Variants in SYT2 observed in about 807,000 individuals in gnomAD.
SYT2 encodes the protein synaptotagmin 2.
In SYT2, 15 loss-of-function variants were observed where a neutral mutation model predicts 39.9. The observed-to-expected ratio is 0.38, with a 90% CI of 0.25 to 0.58. The LOEUF (loss-of-function observed/expected upper bound fraction) is 0.58, where lower values mean the gene tolerates loss of function less well. Ranked by LOEUF, SYT2 falls within the 20% of genes least tolerant of loss-of-function variation. The pLI, the probability that SYT2 is intolerant of heterozygous loss-of-function variation, is 0.70. For missense variants in SYT2, 389 were observed against 530.3 expected (o/e 0.73, Z 2.62); for synonymous variants, 181 against 204.5 (o/e 0.89, Z 0.98).
chr1:202,697,413 C>T (rs1654000412), intron 1 of SYT2, among the ~76,000 whole-genome samples: 1 of 152,262 alleles, frequency 6.6e-6, no homozygotes, highest in Admixed American at 6.5e-5. Flanking sequence ...GGGCAACCTG[C>T]CAAGAGCCAT....
intron 1 of SYT2, among the ~76,000 whole-genome samples, chr1:202,646,963 C>T (rs1267639275): frequency 6.6e-6 from 1 of 152,232 alleles, no homozygotes; most frequent in African/African-American, 2.4e-5. Context: ...GAGGCTTTGC[C>T]TCTCCAGGTC....
At chr1:202,631,646 T>A (rs373535616) in intron 1 of SYT2, among the ~76,000 whole-genome samples, 6 of 152,288 alleles carry the variant, frequency 3.9e-5, no homozygotes, top group East Asian at 3.9e-4. Context: ...AGAAGATGGA[T>A]GAACCCACTG....
At chr1:202,624,072 TG>T (rs1452688615) in intron 1 of SYT2, among the ~76,000 whole-genome samples, 1 of 152,132 alleles carries the variant, frequency 6.6e-6, no homozygotes, top group East Asian at 1.9e-4. Flanking sequence ...CTCTAAGGGA[TG>T]GGTTTAGAGG....
At chr1:202,602,860 C>T in intron 4 of SYT2, 139 bp downstream of exon 4, 2 of 1,102,936 alleles carry the variant, frequency 1.8e-6, no homozygotes, top group Non-Finnish European at 2.6e-6. Flanking sequence ...GCTATAGGCC[C>T]TGCAGTTTCC....
chr1:202,703,429 G>A, intron 1 of SYT2, among the ~76,000 whole-genome samples: 1 of 152,168 alleles, frequency 6.6e-6, no homozygotes, highest in South Asian at 2.1e-4. Context: ...GGGAGGGAGA[G>A]ATGAAGGTAC....
chr1:202,687,158 T>C (rs1653689327), intron 1 of SYT2, among the ~76,000 whole-genome samples: 1 of 152,144 alleles, frequency 6.6e-6, no homozygotes, highest in Admixed American at 6.5e-5. Flanking sequence ...ACCAAATGTT[T>C]GCTAAATGAA....
rs140289859 is a variant in SYT2, at chr1:202,669,574, C to T, written c.-18+40684G>A. On this transcript the variant is annotated intron_variant, in intron 1 of 8. Transcript: ENST00000367268. The stretch of plus-strand genomic sequence containing the variant: ...CACCATTGCACTCCAGCCCGGGTGA[C>T]GGTGCAAGACTGCATCTCAAAAAAA... 1.1e-3 allele frequency among the ~76,000 whole-genome samples: 172 copies of T among 151,210 alleles called. 1 individual carries two copies. Among genetic ancestry groups the T allele is most frequent in the East Asian group, 4.3e-3 (22 of 5,116 alleles).
intron 1 of SYT2, among the ~76,000 whole-genome samples, chr1:202,668,043 C>CCT: frequency 6.6e-6 from 1 of 152,260 alleles, no homozygotes; most frequent in South Asian, 2.1e-4. Flanking sequence ...CCTCTCAGCA[C>CCT]CATCAAAGCC....
intron 1 of SYT2, chr1:202,632,052 G>A (rs1382997652): frequency 1.0e-6 from 1 of 985,320 alleles, no homozygotes; most frequent in South Asian, 4.7e-5. Flanking sequence ...CTGCCACTCT[G>A]CAGGAAGGGG....
chr1:202,632,146 G>T, intron 1 of SYT2: 1 of 901,368 alleles, frequency 1.1e-6, no homozygotes, highest in Non-Finnish European at 1.3e-6. Flanking sequence ...AATCTGCAGT[G>T]TTGCCACCAC....
In SYT2 at chr1:202,625,746, G is replaced by A. The variant is rs542021217; in HGVS notation, c.-17-19957C>T. ...AACGCTCACACCCTGGAAAGGAGGA[G>A]GTGGGCAACCGGTGGGAGGCCGGAG... On this transcript the variant is annotated intron_variant, in intron 1 of 8. Coordinates refer to ENST00000367268, the MANE Select transcript of SYT2 (RefSeq NM_177402.5). Among the ~76,000 whole-genome samples the A allele has an allele frequency of 1.2e-4, 19 of 152,220 alleles. No individual in the cohort carries two copies. The South Asian group carries it at 3.9e-3, about 32-fold the overall frequency.
At chr1:202,694,559 T>TACAC (rs10563246) in intron 1 of SYT2, among the ~76,000 whole-genome samples, 118 of 150,442 alleles carry the variant, frequency 7.8e-4, no homozygotes, top group Middle Eastern at 3.4e-3. Flanking sequence ...AGGCTGAATT[T>TACAC]ACACACACAC....
intron 3 of SYT2, among the ~76,000 whole-genome samples, chr1:202,603,857 G>C (rs566734609): frequency 2.6e-5 from 4 of 152,256 alleles, no homozygotes; most frequent in African/African-American, 9.6e-5. Context: ...TGGATTCCTT[G>C]AGCAAGAGAT....
intron 3 of SYT2, chr1:202,604,227 T>C (rs1690620401): frequency 1.9e-6 from 1 of 519,418 alleles, no homozygotes; most frequent in South Asian, 3.0e-5. Context: ...TTGTTCTCCT[T>C]CACTGTCTTT....
rs1427883587 is a variant in SYT2 at position 202,710,411 on chromosome 1, C to T, written c.-171G>A. ...GCTCCACCGCTGCCCCAACTCGGCT[C>T]CGAAGTGCCTTTGCCGCAAGACTTG... On this transcript the variant is annotated 5_prime_UTR_variant, in exon 1 of 9. Coordinates refer to ENST00000367268, the MANE Select transcript of SYT2 (RefSeq NM_177402.5). The T allele has an allele frequency of 6.6e-6, 1 of 152,326 alleles. No individual in the cohort carries two copies. Among genetic ancestry groups the T allele is most frequent in the Non-Finnish European group, 1.5e-5 (1 of 68,100 alleles). 9.4% of individuals were successfully genotyped at this position (152,326 alleles called of 1,614,324 possible).
chr1:202,637,566 C>A (rs528096182), intron 1 of SYT2, among the ~76,000 whole-genome samples: 1 of 152,234 alleles, frequency 6.6e-6, no homozygotes, highest in South Asian at 2.1e-4. Context: ...CCAGCCCAGC[C>A]GAGCAGTGGG....
At chr1:202,627,741 T>C (rs1440507919) in intron 1 of SYT2, 11 of 516,296 alleles carry the variant, frequency 2.1e-5, no homozygotes, top group Non-Finnish European at 2.7e-5. Context: ...ATCCACTCTT[T>C]CATCTGATCT....
Position 202,599,409 on chromosome 1 carries a change from C to G in SYT2, c.920-58G>C. 6.5e-7 allele frequency: 1 copy of G among 1,541,422 alleles called. No individual in the cohort carries two copies. Among genetic ancestry groups the G allele is most frequent in the Non-Finnish European group, 8.7e-7 (1 of 1,151,480 alleles). On this transcript the variant is annotated intron_variant, in intron 7 of 8. Transcript: ENST00000367268. The surrounding 1 kb of genome is among the most constrained non-coding windows in gnomAD (Gnocchi z 4.4). The stretch of plus-strand genomic sequence containing the variant: ...TCCCCTTAGCCCCCAGCCTTCCTGC[C>G]GAATGTACCAAGGCCTGCCCAGAGC...
chr1:202,669,143 A>G (rs528381351), intron 1 of SYT2, among the ~76,000 whole-genome samples: 25 of 152,378 alleles, frequency 1.6e-4, no homozygotes, highest in Middle Eastern at 3.4e-3. Context: ...TGTGAGTCAC[A>G]TAACTAGACA....
Sources: allele counts gnomAD v4.1 joint callset (sites outside exome capture counted in the v4.1 genomes callset), GRCh38; gene constraint gnomAD v4.1.1; non-coding constraint Gnocchi (gnomAD v3.1); transcripts MANE v1.5; gene names NCBI Gene and HGNC (gene_info 2026-07-23, HGNC 2026-07-21).